The following TBC1D22B variants were observed in gnomAD, a reference collection of about 807,000 sequenced individuals.
The protein encoded by TBC1D22B is chromosome 6 open reading frame 197.
A neutral mutation model predicts 69.1 loss-of-function variants in TBC1D22B; 32 were observed. That is an observed-to-expected ratio of 0.46 (90% confidence interval 0.35 to 0.62). The LOEUF (loss-of-function observed/expected upper bound fraction) is 0.62. Ranked by LOEUF, TBC1D22B falls within the 20% of genes least tolerant of loss-of-function variation. TBC1D22B has a pLI of 0.00. For synonymous variants in TBC1D22B, 206 were observed against 229.8 expected (o/e 0.90, Z 0.94); for missense variants, 462 against 630.9 (o/e 0.73, Z 2.87).
intron 7 of TBC1D22B, 106 bp downstream of exon 7, chr6:37,287,178 C>A: frequency 1.2e-6 from 1 of 808,114 alleles, no homozygotes; most frequent in Non-Finnish European, 1.9e-6. Flanking sequence ...TTCATATATG[C>A]AGCTTTGGTT....
At chr6:37,286,815 G>A (rs1288008337) in intron 6 of TBC1D22B, among the ~76,000 whole-genome samples, 192 bp from the exon 7 acceptor site, 1 of 151,886 alleles carries the variant, frequency 6.6e-6, no homozygotes, top group African/African-American at 2.4e-5. Context: ...CTGGTGGCAG[G>A]TGCCTGTAAT....
At chr6:37,330,222 CTTTTTTTTTTTTTTTTTTTTT>C (rs67372032) in intron 12 of TBC1D22B, among the ~76,000 whole-genome samples, 3 of 75,582 alleles carry the variant, frequency 4.0e-5, no homozygotes, top group South Asian at 4.8e-4. Context: ...TTGTCCGTTT[CTTTTTTTTTTTTTTTTTTTTT>C]TTTTTTTTTT....
At position 37,291,039 on chromosome 6, in the gene TBC1D22B, G is replaced by A. The variant is rs1237978093; in HGVS notation, c.868-204G>A. On this transcript the variant is annotated intron_variant, in intron 7 of 12. Transcript: ENST00000373491. ...CAGATAATGAAAAAATGAATAAAGG[G>A]CAAGAAGTATCTACCCCTACTTGAA... Among the ~76,000 whole-genome samples the A allele has an allele frequency of 9.2e-5, 14 of 152,092 alleles. No homozygotes were observed. In the East Asian group the frequency reaches 2.5e-3, roughly 27 times the overall value.
intron 8 of TBC1D22B, among the ~76,000 whole-genome samples, chr6:37,306,872 C>T (rs1334967153): frequency 6.6e-6 from 1 of 152,168 alleles, no homozygotes; most frequent in Admixed American, 6.5e-5. Flanking sequence ...TCTCCTCTGA[C>T]AGTCAGAAAA....
intron 1 of TBC1D22B, among the ~76,000 whole-genome samples, 160 bp from the exon 2 acceptor site, chr6:37,269,434 A>G (rs558940904): frequency 6.6e-6 from 1 of 152,194 alleles, no homozygotes; most frequent in Admixed American, 6.5e-5. Context: ...TATTTTTTTA[A>G]CGGGTAGATT....
chr6:37,279,665 T>A, intron 3 of TBC1D22B, 54 bp downstream of exon 3: 1 of 1,526,458 alleles, frequency 6.6e-7, no homozygotes, highest in East Asian at 2.3e-5. Context: ...GCGTGCATTT[T>A]AAATAAAAGC....
intron 10 of TBC1D22B, among the ~76,000 whole-genome samples, chr6:37,315,033 G>A (rs1470731559): frequency 6.6e-6 from 1 of 152,074 alleles, no homozygotes; most frequent in Non-Finnish European, 1.5e-5. Context: ...CCCTCAACCG[G>A]AGCCTAGCAC....
chr6:37,290,686 T>C (rs1446542972), intron 7 of TBC1D22B, among the ~76,000 whole-genome samples: 3 of 152,200 alleles, frequency 2.0e-5, no homozygotes, highest in Non-Finnish European at 4.4e-5. Flanking sequence ...TCCTGATATG[T>C]GAACTGACTT....
rs999998991 is a variant in TBC1D22B, at chr6:37,313,089, T to C, written c.1089+65T>C. The C allele has an allele frequency of 3.0e-6, 4 of 1,320,698 alleles. No homozygotes were observed. In the East Asian group the frequency reaches 9.2e-5, roughly 30 times the overall value. 81.8% of individuals were successfully genotyped at this position (1,320,698 alleles called of 1,614,324 possible). Reference sequence around the variant, plus strand: ...CCAGAGGCTCCCAGCAGGGCTTTGGTTTCTTTCTTGCTCTTCTGTATCAGG... The same window carrying C: ...CCAGAGGCTCCCAGCAGGGCTTTGGCTTCTTTCTTGCTCTTCTGTATCAGG... On this transcript the variant is annotated intron_variant, in intron 9 of 12. Transcript: ENST00000373491.
In TBC1D22B at chr6:37,282,734, C is replaced by T. The variant is rs955661373; in HGVS notation, c.602-148C>T. ...GTCCTTGGCACTTAGCTGCTCGGGGCTGTTTTGGGCTTTTCACTGTGCTTA... is the reference window on the plus strand; with the variant it reads ...GTCCTTGGCACTTAGCTGCTCGGGGTTGTTTTGGGCTTTTCACTGTGCTTA... On this transcript the variant is annotated intron_variant, in intron 4 of 12. Coordinates refer to ENST00000373491, the MANE Select transcript of TBC1D22B (RefSeq NM_017772.4). The T allele has an allele frequency of 3.9e-5, 29 of 747,848 alleles. No individual in the cohort carries two copies. The South Asian group carries it at 4.5e-4, about 12-fold the overall frequency. The allele number at this position is 747,848 out of a possible 1,614,324, so 46.3% of individuals were successfully genotyped here.
At chr6:37,277,965 C>CA (rs796225372) in intron 2 of TBC1D22B, among the ~76,000 whole-genome samples, 5,140 of 137,774 alleles carry the variant, frequency 0.037, 271 homozygotes, top group African/African-American at 0.12. Flanking sequence ...CCTTATCTCT[C>CA]AAAAAAAAAA....
At chr6:37,322,888 G>T (rs1768290705) in intron 12 of TBC1D22B, among the ~76,000 whole-genome samples, 1 of 151,974 alleles carries the variant, frequency 6.6e-6, no homozygotes, top group African/African-American at 2.4e-5. Flanking sequence ...ACGTGTAGAC[G>T]AGCATGAGCT....
chr6:37,285,047 G>A (rs182400483), intron 6 of TBC1D22B, among the ~76,000 whole-genome samples: 4 of 152,250 alleles, frequency 2.6e-5, no homozygotes, highest in South Asian at 2.1e-4. Flanking sequence ...CATGGTCTGC[G>A]GAAAGGTCTG....
intron 8 of TBC1D22B, among the ~76,000 whole-genome samples, chr6:37,296,471 C>G (rs1303064274): frequency 6.6e-6 from 1 of 151,994 alleles, no homozygotes; most frequent in Non-Finnish European, 1.5e-5. Flanking sequence ...ACCTCAGCGT[C>G]CTGGATAGTT....
At position 37,331,266 on chromosome 6, in the gene TBC1D22B, C is replaced by A; in HGVS notation, c.*94C>A. The A allele has an allele frequency of 7.5e-7, 1 of 1,340,604 alleles. No individual in the cohort carries two copies. Among genetic ancestry groups the A allele is most frequent in the South Asian group, 1.3e-5 (1 of 79,152 alleles). 83.0% of individuals were successfully genotyped at this position (1,340,604 alleles called of 1,614,324 possible). ...GCGAGCCGTGGACCCCGGCCAGGAA[C>A]CACTCCTGTTGTACAAAGCTCACAC... On this transcript the variant is annotated 3_prime_UTR_variant, in exon 13 of 13. Coordinates refer to ENST00000373491, the MANE Select transcript of TBC1D22B (RefSeq NM_017772.4).
chr6:37,295,292 A>G (rs1250773728), intron 8 of TBC1D22B, among the ~76,000 whole-genome samples: 14 of 151,588 alleles, frequency 9.2e-5, no homozygotes, highest in African/African-American at 4.8e-5. Flanking sequence ...TTTTATAGAG[A>G]TGGGGTTTTC....
At chr6:37,323,327 A>G (rs1768303400) in intron 12 of TBC1D22B, among the ~76,000 whole-genome samples, 2 of 152,182 alleles carry the variant, frequency 1.3e-5, no homozygotes, top group African/African-American at 4.8e-5. Flanking sequence ...CAGGAGTTCG[A>G]GAGCACCCTG....
intron 8 of TBC1D22B, among the ~76,000 whole-genome samples, chr6:37,300,522 G>GTA (rs1444442189): frequency 6.6e-6 from 1 of 151,980 alleles, no homozygotes; most frequent in African/African-American, 2.4e-5. Flanking sequence ...CACTATGCCT[G>GTA]GCTAATTTTT....
intron 1 of TBC1D22B, among the ~76,000 whole-genome samples, chr6:37,258,713 G>A (rs1402361931): frequency 6.6e-6 from 1 of 151,806 alleles, no homozygotes; most frequent in Non-Finnish European, 1.5e-5. Context: ...CCCTCTTTTC[G>A]GTGTATGTTG....
Sources: gnomAD v4.1 joint callset for allele counts (sites outside exome capture counted in the v4.1 genomes callset) on GRCh38, gnomAD v4.1.1 for gene constraint, MANE v1.5 for transcripts, NCBI Gene and HGNC (gene_info 2026-07-23, HGNC 2026-07-21) for gene names.